Variants in MYO10 observed in about 807,000 individuals in gnomAD.
The protein encoded by MYO10 is myosin X.
Under a neutral mutation model 257.3 loss-of-function variants are expected in MYO10, and 133 were observed. The observed-to-expected ratio is 0.52, with a 90% confidence interval of 0.45 to 0.60. MYO10 has a LOEUF of 0.60. Among genes scored for constraint, MYO10 ranks in the 20% least tolerant of loss-of-function variants. The probability of loss-of-function intolerance (pLI) is 0.00; values close to 1 mark genes in which losing one functional copy is unlikely to be tolerated. For missense variants in MYO10, 2,399 were observed against 2,635.7 expected, an observed-to-expected ratio of 0.91 and a Z score of 1.97; for synonymous variants, 1,104 against 1,028.6, an observed-to-expected ratio of 1.07 and a Z score of -1.40.
rs116988063 is a variant in MYO10, at chr5:16,699,236, A to T, written c.3556+214T>A. ...ACTGTGTTCATGCTGGTAGGACCAC[A>T]GCACCCATGTCACACCAACATGACA... On this transcript the variant is annotated intron_variant, in intron 26 of 40. Transcript: ENST00000513610. 2.3e-4 allele frequency among the ~76,000 whole-genome samples: 35 copies of T among 152,286 alleles called. No individual in the cohort carries two copies. In the East Asian group the frequency reaches 6.6e-3, roughly 29 times the overall value.
chr5:16,862,796 C>T (rs959602099), intron 2 of MYO10, among the ~76,000 whole-genome samples: 2 of 152,150 alleles, frequency 1.3e-5, no homozygotes, highest in African/African-American at 4.8e-5. Flanking sequence ...ACCACAAAAT[C>T]GAAAGCAACC....
intron 1 of MYO10, among the ~76,000 whole-genome samples, chr5:16,921,010 C>A (rs1238978558): frequency 6.6e-6 from 1 of 151,858 alleles, no homozygotes; most frequent in Non-Finnish European, 1.5e-5. Flanking sequence ...CCCAGCTACT[C>A]GGCAGGCTGA....
chr5:16,700,817 C>A (rs256933), intron 25 of MYO10, 146 bp downstream of exon 25: 37,576 of 1,066,038 alleles, frequency 0.035, 3,873 homozygotes, highest in African/African-American at 0.34. Flanking sequence ...ATGGAATAAG[C>A]AAAAGGTTTA....
intron 2 of MYO10, among the ~76,000 whole-genome samples, chr5:16,855,470 T>C (rs1743934689): frequency 1.3e-5 from 2 of 152,212 alleles, no homozygotes; most frequent in Admixed American, 6.5e-5. Flanking sequence ...AAATAAACTA[T>C]CTTCAGATGT....
chr5:16,874,360 T>G (rs71587640), intron 2 of MYO10, among the ~76,000 whole-genome samples: 2,513 of 21,318 alleles, frequency 0.12, 56 homozygotes, highest in East Asian at 0.15. Flanking sequence ...GGGGGGGGGG[T>G]TTCTTTTCTA....
At chr5:16,881,925 C>T (rs533680427) in intron 1 of MYO10, among the ~76,000 whole-genome samples, 93 of 152,170 alleles carry the variant, frequency 6.1e-4, no homozygotes, top group African/African-American at 2.2e-3. Flanking sequence ...ATATAGGCAA[C>T]CTAGCATATG....
At chr5:16,773,886 TTAG>T (rs1484841535) in intron 9 of MYO10, among the ~76,000 whole-genome samples, 5 of 152,140 alleles carry the variant, frequency 3.3e-5, no homozygotes, top group African/African-American at 1.2e-4. Context: ...GGGCAAGTAG[TTAG>T]TAGTGTTGTG....
chr5:16,710,878 G>A (rs767546976), intron 21 of MYO10, 30 bp downstream of exon 21: 91 of 1,570,818 alleles, frequency 5.8e-5, no homozygotes, highest in African/African-American at 9.5e-5. Flanking sequence ...TCAGGGATTC[G>A]GTGGGAGTTG....
At chr5:16,838,072 T>A (rs1469659347) in intron 2 of MYO10, among the ~76,000 whole-genome samples, 2 of 152,144 alleles carry the variant, frequency 1.3e-5, no homozygotes, top group Non-Finnish European at 2.9e-5. Flanking sequence ...GGGGCCTTCA[T>A]ATCCTCTGAG....
intron 19 of MYO10, among the ~76,000 whole-genome samples, chr5:16,722,367 G>A (rs999677480): frequency 6.6e-6 from 1 of 152,170 alleles, no homozygotes; most frequent in African/African-American, 2.4e-5. Context: ...GTCACCCTAC[G>A]TATCAGATAC....
At chr5:16,877,847 A>C in intron 1 of MYO10, 140 bp from the exon 2 acceptor site, 2 of 674,314 alleles carry the variant, frequency 3.0e-6, no homozygotes, top group South Asian at 3.6e-5. Flanking sequence ...AGCAAAGAAC[A>C]AATCTTCGCA....
At chr5:16,854,374 G>C (rs765608109) in intron 2 of MYO10, among the ~76,000 whole-genome samples, 25 of 152,174 alleles carry the variant, frequency 1.6e-4, no homozygotes, top group Non-Finnish European at 2.9e-4. Flanking sequence ...CAATAAAAAA[G>C]AGTGAAGTGC....
At chr5:16,931,378 C>T (rs758783869) in intron 1 of MYO10, among the ~76,000 whole-genome samples, 1 of 152,168 alleles carries the variant, frequency 6.6e-6, no homozygotes, top group Non-Finnish European at 1.5e-5. Flanking sequence ...TGTGAGCCCA[C>T]TTAAAGCCAG....
rs1215053600 is a variant in MYO10 at position 16,670,966 on chromosome 5, C to A, written c.5443G>T (p.Val1815Phe). 1.2e-5 allele frequency: 19 copies of A among 1,609,038 alleles called. No homozygotes were observed. Among genetic ancestry groups the A allele is most frequent in the Admixed American group, 6.7e-5 (4 of 59,864 alleles). Residue 1815 changes from valine (V) to phenylalanine (F), a missense_variant, in exon 39 of 41, where the codon GTT (valine) becomes TTT (phenylalanine). This residue lies in a region of MYO10 where 1,820 missense variants were observed against 1,939.4 expected (regional missense o/e 0.94). Coordinates refer to ENST00000513610, the MANE Select transcript of MYO10 (RefSeq NM_012334.3). ...GGGGCTGGATGGTGGCCATGGATAACCGCTTCGTGGGCCTGAAAGGAGACA... is the reference window on the plus strand; with the variant it reads ...GGGGCTGGATGGTGGCCATGGATAAACGCTTCGTGGGCCTGAAAGGAGACA... ...AFMFEQAHEA[V>F]IHGHHPAPEE...
intron 30 of MYO10, among the ~76,000 whole-genome samples, chr5:16,683,547 A>C (rs1737105060): frequency 6.6e-6 from 1 of 152,188 alleles, no homozygotes; most frequent in Admixed American, 6.5e-5. Context: ...CCTTTGCTGG[A>C]ATATCATTTT....
intron 19 of MYO10, among the ~76,000 whole-genome samples, chr5:16,746,965 T>G (rs2126636450): frequency 6.6e-6 from 1 of 152,354 alleles, no homozygotes; most frequent in South Asian, 2.1e-4. Flanking sequence ...CCTTGTCATG[T>G]GGCAGACCCT....
chr5:16,886,953 AG>A (rs1431441878), intron 1 of MYO10, among the ~76,000 whole-genome samples: 15 of 151,026 alleles, frequency 9.9e-5, no homozygotes, highest in Admixed American at 4.0e-4. Flanking sequence ...AAAAAAACAA[AG>A]CAAAAACAAA....
chr5:16,857,598 C>T (rs1204102382), intron 2 of MYO10, among the ~76,000 whole-genome samples: 1 of 152,170 alleles, frequency 6.6e-6, no homozygotes, highest in Non-Finnish European at 1.5e-5. Flanking sequence ...GGATTGAGAC[C>T]TAGAATTCAG....
intron 33 of MYO10, 40 bp from the exon 34 acceptor site, chr5:16,676,194 AT>A: frequency 6.2e-7 from 1 of 1,602,200 alleles, no homozygotes; most frequent in Non-Finnish European, 8.5e-7. Flanking sequence ...AGAAACCTGT[AT>A]TTTCCTACAT....
Sources: allele counts gnomAD v4.1 joint callset (sites outside exome capture counted in the v4.1 genomes callset), GRCh38; gene constraint gnomAD v4.1.1; regional missense constraint gnomAD v4.1.1; transcripts MANE v1.5; gene names NCBI Gene and HGNC (gene_info 2026-07-23, HGNC 2026-07-21).